DNAH3: variants seen among roughly 807,000 people sequenced by gnomAD.
DNAH3 encodes dynein axonemal heavy chain 3, also known as axonemal beta dynein heavy chain 3.
Under a neutral mutation model 432.5 loss-of-function variants are expected in DNAH3, and 332 were observed. The ratio of observed to expected loss-of-function variants is 0.77; its 90% CI spans 0.70 to 0.84. DNAH3 has a LOEUF of 0.84. DNAH3 is among the 40% of genes least tolerant of loss of function. DNAH3 has a pLI of 0.00. For synonymous variants in DNAH3, 1,956 were observed against 1,900.2 expected, an observed-to-expected ratio of 1.03 and a Z score of -0.76; for missense variants, 4,861 against 5,114.0, an observed-to-expected ratio of 0.95 and a Z score of 1.51.
At chr16:21,153,081 A>G (rs2092873733) in intron 1 of DNAH3, among the ~76,000 whole-genome samples, 1 of 152,228 alleles carries the variant, frequency 6.6e-6, no homozygotes, top group South Asian at 2.1e-4. Flanking sequence ...GGGGACGTGG[A>G]GAACCTTTAT....
At chr16:21,156,355 C>T (rs748543910) in intron 1 of DNAH3, among the ~76,000 whole-genome samples, 10 of 152,192 alleles carry the variant, frequency 6.6e-5, no homozygotes, top group Non-Finnish European at 1.2e-4. Context: ...CCTCAGCCTC[C>T]CATGTAGCTG....
chr16:21,145,174 C>T lies in DNAH3; in HGVS notation c.448+7G>A. 5.0e-6 allele frequency: 8 copies of T among 1,606,336 alleles called. No individual in the cohort carries two copies. The highest frequency in any genetic ancestry group is 6.8e-6 in the Non-Finnish European group (8 of 1,175,434). ...ATTCTGCAAGGGTGTGACACTGCCA[C>T]AAGTACCTGATGATGGCAGCCCCTG... On this transcript the variant is annotated splice_region_variant and intron_variant, in intron 3 of 61. Coordinates refer to ENST00000261383, the Ensembl canonical transcript of DNAH3.
At chr16:20,957,018 C>T (rs963126864) in intron 54 of DNAH3, among the ~76,000 whole-genome samples, 3 of 152,176 alleles carry the variant, frequency 2.0e-5, no homozygotes, top group African/African-American at 7.2e-5. Flanking sequence ...CCACCTCACT[C>T]GGCCCCAAAC....
At chr16:21,050,065 G>A in intron 29 of DNAH3, 47 bp from the exon 30 acceptor site, 1 of 1,335,678 alleles carries the variant, frequency 7.5e-7, no homozygotes, top group Non-Finnish European at 1.1e-6. Flanking sequence ...CTAAGACACA[G>A]GAAAGAAACC....
intron 41 of DNAH3, among the ~76,000 whole-genome samples, chr16:21,013,180 T>C (rs1224650679): frequency 6.6e-6 from 1 of 151,984 alleles, no homozygotes; most frequent in East Asian, 1.9e-4. Flanking sequence ...AATCATGAAA[T>C]TGACAACAGG....
chr16:21,038,443 A>C (rs2089277211), intron 33 of DNAH3, among the ~76,000 whole-genome samples: 1 of 152,166 alleles, frequency 6.6e-6, no homozygotes, highest in African/African-American at 2.4e-5. Flanking sequence ...TCTTGAGCCC[A>C]GGAGTTCAAG....
Position 21,069,144 on chromosome 16 carries a change from C to A in DNAH3, c.3381+271G>T, listed in dbSNP as rs190075514. 2.1e-4 allele frequency among the ~76,000 whole-genome samples: 32 copies of A among 151,816 alleles called. 1 individual carries two copies. The highest frequency in any genetic ancestry group is 4.0e-4 in the Non-Finnish European group (27 of 67,984). ...TTTTAGTAGAGATGCGGTGTTTCAC[C>A]ATGTTGGCCAGGCTGGTCTGGAACT... On this transcript the variant is annotated intron_variant, in intron 23 of 61. Transcript: ENST00000261383.
chr16:20,933,642 G>A (rs1219189293), intron 61 of DNAH3, 135 bp from the exon 62 acceptor site: 3 of 683,032 alleles, frequency 4.4e-6, no homozygotes, highest in Non-Finnish European at 7.3e-6. Flanking sequence ...CAGGGACAAT[G>A]GGGCTTCTGT....
chr16:21,111,491 C>T (rs1567809002), intron 14 of DNAH3, 135 bp downstream of exon 14: 2 of 833,322 alleles, frequency 2.4e-6, no homozygotes, highest in Non-Finnish European at 3.7e-6. Context: ...TTCCTCACTA[C>T]CCTTACTTAG....
At chr16:21,125,224 A>G in exon 9 of DNAH3, 1 of 1,613,224 alleles carries the variant, frequency 6.2e-7, no homozygotes, top group Non-Finnish European at 8.5e-7. Flanking sequence ...CTTAATGACC[A>G]GCTCCCTAAG....
exon 3 of DNAH3, chr16:21,145,381 G>T (rs1414420629): frequency 1.2e-6 from 2 of 1,614,034 alleles, no homozygotes; most frequent in African/African-American, 1.3e-5. Flanking sequence ...CATCAAGGGC[G>T]GGTAAAAGCT....
At chr16:20,995,510 A>C (rs2086727202) in intron 44 of DNAH3, among the ~76,000 whole-genome samples, 1 of 151,954 alleles carries the variant, frequency 6.6e-6, no homozygotes, top group Admixed American at 6.6e-5. Flanking sequence ...AGATCTGCCC[A>C]CTTTGGCCTC....
rs370611391 is a variant in DNAH3 at position 21,027,393 on chromosome 16, TG to T, written c.5440-267del. 1.4e-3 allele frequency among the ~76,000 whole-genome samples: 216 copies of T among 152,322 alleles called. 8 individuals carry two copies. In the South Asian group the frequency reaches 0.044, roughly 31 times the overall value. On this transcript the variant is annotated intron_variant, in intron 37 of 61. Coordinates refer to ENST00000261383, the Ensembl canonical transcript of DNAH3. The stretch of plus-strand genomic sequence containing the variant: ...GTGTTCGAAGTGGTGAAAAGTGCTC[TG>T]GAGAAAAATTTAGTAGAAGAGGGGG...
exon 6 of DNAH3, chr16:21,136,416 G>T: frequency 6.2e-7 from 1 of 1,614,056 alleles, no homozygotes. Context: ...CGTCAGCAGC[G>T]TGTTAGAAAT....
At chr16:21,018,971 C>G (rs1181606752) in intron 41 of DNAH3, among the ~76,000 whole-genome samples, 1 of 151,794 alleles carries the variant, frequency 6.6e-6, no homozygotes, top group East Asian at 1.9e-4. Context: ...TGTCAACACA[C>G]ACAGAAATAG....
At chr16:20,981,369 C>T (rs1048898791) in intron 49 of DNAH3, among the ~76,000 whole-genome samples, 7 of 152,116 alleles carry the variant, frequency 4.6e-5, no homozygotes, top group African/African-American at 1.7e-4. Flanking sequence ...CAAAATACCC[C>T]AAATGGAATT....
At chr16:21,025,986 G>A (rs959303621) in intron 38 of DNAH3, among the ~76,000 whole-genome samples, 6 of 151,962 alleles carry the variant, frequency 3.9e-5, no homozygotes, top group Admixed American at 1.3e-4. Flanking sequence ...TGATCTGCCC[G>A]CCTCGGCCTC....
At position 21,141,345 on chromosome 16, in the gene DNAH3, C is replaced by G. The variant is rs375216024; in HGVS notation, c.476G>C (p.Arg159Thr). The change falls in exon 4 of 62, where the codon AGG becomes ACG. Residue 159 changes from arginine to threonine, a missense_variant. Coordinates refer to ENST00000261383, the Ensembl canonical transcript of DNAH3. ...TCTGGAGGAAAACTTCGTTTTTTTC[C>G]TCATGGGCTCTGATGAGCTTCTATT... 1.4e-4 allele frequency: 227 copies of G among 1,590,782 alleles called. No homozygotes were observed. Among genetic ancestry groups the G allele is most frequent in the Non-Finnish European group, 1.9e-4 (219 of 1,165,892 alleles).
chr16:20,985,068 C>G, intron 48 of DNAH3: 1 of 1,606,726 alleles, frequency 6.2e-7, no homozygotes, highest in Non-Finnish European at 8.5e-7. Context: ...TGTGAAGGTT[C>G]TTTCTCACCC....
Sources: gnomAD v4.1 joint callset for allele counts (sites outside exome capture counted in the v4.1 genomes callset) on GRCh38, gnomAD v4.1.1 for gene constraint, MANE v1.5 for transcripts, NCBI Gene and HGNC (gene_info 2026-07-23, HGNC 2026-07-21) for gene names.